The following PROSER3 variants were observed in gnomAD, a reference collection of about 807,000 sequenced individuals.
The protein encoded by PROSER3 is proline and serine rich 3.
PROSER3 carries 33 observed loss-of-function variants against 50.2 expected under a neutral mutation model. The ratio of observed to expected loss-of-function variants is 0.66; its 90% CI spans 0.50 to 0.88. The LOEUF is 0.88. Among genes scored for constraint, PROSER3 ranks in the 40% least tolerant of loss-of-function variants. The pLI is 0.00. For missense variants in PROSER3, 623 were observed against 612.7 expected (o/e 1.02, Z -0.18); for synonymous variants, 266 against 259.3 (o/e 1.03, Z -0.25).
At chr19:35,764,801 C>G (rs1456674905) in intron 5 of PROSER3, 53 bp from the exon 6 acceptor site, 1 of 1,518,734 alleles carries the variant, frequency 6.6e-7, no homozygotes, top group African/African-American at 1.4e-5. Flanking sequence ...TTTAGAACCC[C>G]CTTCCCAGCA....
At chr19:35,768,181 G>C (rs1971235214) in exon 10 of PROSER3, 2 of 1,613,592 alleles carry the variant, frequency 1.2e-6, no homozygotes. Context: ...GTTCCAGGAC[G>C]ATCCCGTGCT....
At position 35,762,339 on chromosome 19, in the gene PROSER3, C is replaced by A. The variant is rs775038994; in HGVS notation, c.526C>A (p.Leu176Ile). 3 of 1,605,162 alleles carry A rather than the reference C, an allele frequency of 1.9e-6. No individual in the cohort carries two copies. The African/African-American group carries it at 4.0e-5, about 21-fold the overall frequency. Residue 176 changes from leucine (L) to isoleucine (I), a missense_variant, in exon 5 of 11, where the codon CTT becomes ATT. Leu to Ile is a conservative substitution (Grantham distance 5). This residue lies in a region of PROSER3 where 236 missense variants were observed against 243.6 expected (regional missense o/e 0.97). Coordinates refer to ENST00000396908, the Ensembl canonical transcript of PROSER3. ...CAGTGCATCCCATGCTGTGGCTCCC[C>A]TTCAGGAAATAAAGCAGGTGACATC...
rs1020788793 is a variant in PROSER3 at position 35,758,311 on chromosome 19, C to T, written c.11+85C>T. On this transcript the variant is annotated intron_variant, in intron 1 of 10. Transcript: ENST00000396908. ...AGCACAGCCTAGGACGGGCTGGATA[C>T]GGTCTGGAGTCGCTAGGGCTCCACC... is the stretch of plus-strand genomic sequence containing the variant. 1.4e-5 allele frequency: 21 copies of T among 1,477,244 alleles called. No homozygotes were observed. In the East Asian group the frequency reaches 4.5e-4, roughly 32 times the overall value. 91.5% of individuals were successfully genotyped at this position (1,477,244 alleles called of 1,614,324 possible). A position where few individuals can be genotyped will look rare whatever the true frequency, so the allele number is the denominator to read the frequency against.
exon 11 of PROSER3, chr19:35,768,484 C>G: frequency 1.3e-6 from 2 of 1,598,212 alleles, no homozygotes; most frequent in Non-Finnish European, 1.7e-6. Flanking sequence ...GGGTCGCCCC[C>G]TAGGTCCCCA....
exon 9 of PROSER3, chr19:35,768,041 G>C: frequency 6.3e-7 from 1 of 1,580,306 alleles, no homozygotes; most frequent in Non-Finnish European, 8.6e-7. Flanking sequence ...TGCCCAGGCC[G>C]CCCTGCTGCT....
chr19:35,764,761 G>A (rs1971080137), intron 5 of PROSER3, 93 bp from the exon 6 acceptor site: 2 of 1,138,958 alleles, frequency 1.8e-6, no homozygotes, highest in South Asian at 2.8e-5. Context: ...GGTTACCAAG[G>A]GCAGTACAAC....
At chr19:35,769,026 T>C (rs1971266851) in exon 11 of PROSER3, 3 of 153,208 alleles carry the variant, frequency 2.0e-5, no homozygotes, top group East Asian at 1.9e-4. Flanking sequence ...TCAGGCCTAG[T>C]CACTAGCCCA....
chr19:35,759,478 C>T lies in PROSER3; in HGVS notation c.108+8C>T. ...CAGACCTGGTGTCCCAAGGTGAGGA[C>T]ACCCCTCAAAGAGTGCTGAGTGCCA... On this transcript the variant is annotated splice_region_variant and intron_variant, in intron 2 of 10. Transcript: ENST00000396908. The T allele has an allele frequency of 6.2e-7, 1 of 1,608,558 alleles. No homozygotes were observed. The highest frequency in any genetic ancestry group is 8.5e-7 in the Non-Finnish European group (1 of 1,176,664).
intron 10 of PROSER3, 58 bp downstream of exon 10, chr19:35,768,294 C>G: frequency 2.5e-6 from 4 of 1,584,698 alleles, no homozygotes; most frequent in Non-Finnish European, 3.4e-6. Flanking sequence ...CCTCTGAGAC[C>G]CGGTTAGGCA....
intron 8 of PROSER3, chr19:35,767,139 G>A: frequency 2.6e-6 from 2 of 773,308 alleles, no homozygotes; most frequent in East Asian, 2.9e-5. Flanking sequence ...CCACTGTGGA[G>A]CAGTGTGGCC....
intron 2 of PROSER3, 107 bp downstream of exon 2, chr19:35,759,577 G>A: frequency 8.6e-7 from 1 of 1,165,798 alleles, no homozygotes; most frequent in Non-Finnish European, 1.2e-6. Flanking sequence ...AGATTTAAGA[G>A]ACAGCCCCTT....
Position 35,768,076 on chromosome 19 carries a change from C to T in PROSER3, c.1219+11C>T, listed in dbSNP as rs139616611. 8,495 of 1,585,746 alleles carry T rather than the reference C, an allele frequency of 5.4e-3. 44 individuals carry two copies. The highest frequency in any genetic ancestry group is 0.021 in the South Asian group (1,831 of 87,954). ...TGCAGGCTGCAGAAGGTGATGCCCG[C>T]GCCCTCCTGGATGTTGGAGGCAGGC... On this transcript the variant is annotated intron_variant, in intron 9 of 10. Coordinates refer to ENST00000396908, the Ensembl canonical transcript of PROSER3.
exon 11 of PROSER3, chr19:35,768,651 C>T (rs895789299): frequency 2.2e-6 from 3 of 1,392,482 alleles, no homozygotes; most frequent in South Asian, 1.5e-5. Context: ...GGGGTCATGC[C>T]AATTTAAGGA....
rs190420942 is a variant in PROSER3, at chr19:35,768,523, C to T, written c.1421C>T (p.Ser474Phe). 5.0e-6 allele frequency: 8 copies of T among 1,596,758 alleles called. No individual in the cohort carries two copies. In the African/African-American group the frequency reaches 6.7e-5, roughly 13 times the overall value. ...AGGCTGCTAAGAAGGGAAGGAGATT[C>T]CCTGGAGGCCAGAAGACTTTGAATT... is the stretch of plus-strand genomic sequence containing the variant. Residue 474 changes from serine to phenylalanine, a missense_variant, in exon 11 of 11, where the codon TCC (serine) becomes TTC (phenylalanine). Transcript: ENST00000396908.
exon 8 of PROSER3, chr19:35,766,874 G>A (rs1311529193): frequency 6.4e-7 from 1 of 1,552,008 alleles, no homozygotes; most frequent in Admixed American, 2.0e-5. Context: ...AGTGGCGGCA[G>A]CGGCGGAAGC....
chr19:35,765,742 T>C (rs1254613691), intron 7 of PROSER3, among the ~76,000 whole-genome samples: 1 of 152,110 alleles, frequency 6.6e-6, no homozygotes, highest in Non-Finnish European at 1.5e-5. Context: ...ACTATGTTGC[T>C]CAGGCTGATC....
intron 3 of PROSER3, among the ~76,000 whole-genome samples, chr19:35,760,677 G>A (rs1258061161): frequency 1.3e-5 from 2 of 151,786 alleles, no homozygotes; most frequent in Non-Finnish European, 2.9e-5. Context: ...AGTAGAGATG[G>A]GGTTTCACCA....
At chr19:35,760,292 A>G (rs1970914496) in intron 3 of PROSER3, among the ~76,000 whole-genome samples, 1 of 152,088 alleles carries the variant, frequency 6.6e-6, no homozygotes, top group Non-Finnish European at 1.5e-5. Flanking sequence ...ATCACAGCTC[A>G]CTATAACCTC....
chr19:35,767,318 G>T, intron 8 of PROSER3: 1 of 289,332 alleles, frequency 3.5e-6, no homozygotes. Flanking sequence ...CTCCACCCTA[G>T]CACATCTGGG....
Sources: allele counts gnomAD v4.1 joint callset (sites outside exome capture counted in the v4.1 genomes callset), GRCh38; gene constraint gnomAD v4.1.1; regional missense constraint gnomAD v4.1.1; transcripts MANE v1.5; gene names NCBI Gene and HGNC (gene_info 2026-07-23, HGNC 2026-07-21).